The following KIF16B variants were observed in gnomAD, a reference collection of about 807,000 sequenced individuals.
KIF16B encodes kinesin family member 16B, also known as kinesin-like protein KIF16B.
A neutral mutation model predicts 156.3 loss-of-function variants in KIF16B; 98 were observed. The observed-to-expected ratio is 0.63, with a 90% CI of 0.53 to 0.74. The LOEUF (loss-of-function observed/expected upper bound fraction) is 0.74. Among genes scored for constraint, KIF16B ranks in the 30% least tolerant of loss-of-function variants. KIF16B has a pLI of 0.00. For missense variants in KIF16B, 1,421 were observed against 1,606.5 expected (o/e 0.88, Z 1.97); for synonymous variants, 564 against 583.7 (o/e 0.97, Z 0.49).
In KIF16B at chr20:16,356,451, C is replaced by T. The variant is rs146992148; in HGVS notation, c.3500G>A (p.Arg1167Gln). Residue 1167 changes from arginine (R) to glutamine (Q), a missense_variant and splice_region_variant, in exon 23 of 26, where the codon CGG becomes CAG. By Grantham distance (43) the Arg-to-Gln change is conservative (BLOSUM62 1). Coordinates refer to ENST00000354981, the MANE Select transcript of KIF16B (RefSeq NM_024704.5). ...TGCGCCCAAAGAGCGAGAAACCATC[C>T]GCTATCAAAGGCATGTCAGACAGGG... The part of the protein sequence containing the change: ...GTIQRKLKYE[R>Q]MVSRSLGANP... 35 of 1,613,824 alleles carry T rather than the reference C, an allele frequency of 2.2e-5. No homozygotes were observed. Among genetic ancestry groups the T allele is most frequent in the Admixed American group, 1.7e-4 (10 of 59,994 alleles).
At chr20:16,505,662 T>C in intron 9 of KIF16B, 60 bp downstream of exon 9, 1 of 1,469,672 alleles carries the variant, frequency 6.8e-7, no homozygotes, top group Non-Finnish European at 9.4e-7. Context: ...TAAACTTAAA[T>C]ATTTACAGTT....
intron 22 of KIF16B, among the ~76,000 whole-genome samples, chr20:16,362,054 T>C (rs1443933617): frequency 6.6e-6 from 1 of 152,224 alleles, no homozygotes; most frequent in Non-Finnish European, 1.5e-5. Flanking sequence ...TCGCAACAAC[T>C]GCTAAGTGGC....
chr20:16,316,654 A>C (rs1170983982), intron 24 of KIF16B, among the ~76,000 whole-genome samples: 1 of 152,162 alleles, frequency 6.6e-6, no homozygotes, highest in Non-Finnish European at 1.5e-5. Flanking sequence ...ATAATAATAT[A>C]GCTAAACCTC....
At position 16,506,052 on chromosome 20, in the gene KIF16B, C is replaced by CAA; in HGVS notation, c.837_838insTT (p.Val280LeufsTer2). ...GCAGAAATGACGTTCCCCAGAGTCACGAGGGACTTGTTAATATTTCCCCCT... is the reference window on the plus strand; with the variant it reads ...GCAGAAATGACGTTCCCCAGAGTCACAAGAGGGACTTGTTAATATTTCCCCCT... On this transcript the variant is annotated frameshift_variant, in exon 8 of 26. Coordinates refer to ENST00000354981, the MANE Select transcript of KIF16B (RefSeq NM_024704.5). LOFTEE classifies it high-confidence loss of function. The CAA allele has an allele frequency of 6.2e-7, 1 of 1,614,096 alleles. No individual in the cohort carries two copies. Among genetic ancestry groups the CAA allele is most frequent in the East Asian group, 2.2e-5 (1 of 44,878 alleles).
chr20:16,491,191 G>A (rs1168820968), intron 12 of KIF16B, among the ~76,000 whole-genome samples: 2 of 152,132 alleles, frequency 1.3e-5, no homozygotes, highest in Admixed American at 6.5e-5. Flanking sequence ...CACAGGCAAA[G>A]ACCACAAGAC....
chr20:16,474,741 G>C (rs752132834), intron 12 of KIF16B, among the ~76,000 whole-genome samples: 6 of 152,148 alleles, frequency 3.9e-5, no homozygotes, highest in Admixed American at 6.5e-5. Flanking sequence ...ATAGACCTCA[G>C]CTCTGGCAAC....
intron 14 of KIF16B, among the ~76,000 whole-genome samples, chr20:16,428,029 C>T (rs2066401281): frequency 6.6e-6 from 1 of 152,108 alleles, no homozygotes; most frequent in Non-Finnish European, 1.5e-5. Flanking sequence ...TTCTTACCAT[C>T]ATTTATAGCT....
intron 12 of KIF16B, among the ~76,000 whole-genome samples, chr20:16,440,531 G>GCACACA (rs1289246735): frequency 8.8e-5 from 7 of 79,440 alleles, no homozygotes; most frequent in Non-Finnish European, 9.9e-5. Flanking sequence ...ACACAAGCGC[G>GCACACA]CGCACACACA....
intron 22 of KIF16B, among the ~76,000 whole-genome samples, chr20:16,357,047 G>C (rs1452369342): frequency 1.3e-5 from 2 of 152,180 alleles, no homozygotes; most frequent in Non-Finnish European, 2.9e-5. Flanking sequence ...TGGGCAGTGG[G>C]GGACTAGTGG....
chr20:16,540,555 C>T (rs1667439502), intron 1 of KIF16B, among the ~76,000 whole-genome samples: 1 of 152,152 alleles, frequency 6.6e-6, no homozygotes, highest in African/African-American at 2.4e-5. Flanking sequence ...GCTCCTCGTG[C>T]CCTTGCACTT....
chr20:16,434,469 G>A (rs1427609498), intron 12 of KIF16B, among the ~76,000 whole-genome samples: 1 of 150,764 alleles, frequency 6.6e-6, no homozygotes, highest in Non-Finnish European at 1.5e-5. Context: ...ATAGATAACC[G>A]AAAATGATAC....
intron 25 of KIF16B, among the ~76,000 whole-genome samples, chr20:16,278,607 C>T (rs2063098717): frequency 6.6e-6 from 1 of 152,148 alleles, no homozygotes; most frequent in Non-Finnish European, 1.5e-5. Context: ...GAGACATGGA[C>T]CCCCATGGGT....
chr20:16,279,863 A>G (rs1037585760), intron 25 of KIF16B, among the ~76,000 whole-genome samples: 2 of 152,232 alleles, frequency 1.3e-5, no homozygotes, highest in Non-Finnish European at 2.9e-5. Context: ...TGGCTGTGTT[A>G]ATAAGTTGTG....
intron 25 of KIF16B, among the ~76,000 whole-genome samples, chr20:16,290,486 T>C (rs765530916): frequency 9.9e-5 from 15 of 152,200 alleles, no homozygotes; most frequent in Non-Finnish European, 1.8e-4. Flanking sequence ...ATACTGAGTC[T>C]CTGAATTCAG....
At position 16,410,114 on chromosome 20, in the gene KIF16B, CATAT is replaced by C. The variant is rs775063194; in HGVS notation, c.1613-3662_1613-3659del. Among the ~76,000 whole-genome samples, 33 of 93,382 alleles carry C rather than the reference CATAT, an allele frequency of 3.5e-4. 1 individual carries two copies. Among genetic ancestry groups the C allele is most frequent in the Non-Finnish European group, 5.0e-4 (22 of 44,256 alleles). The allele number at this position is 93,382 out of a possible 152,430, so 61.3% of individuals were successfully genotyped here. A position where few individuals can be genotyped will look rare whatever the true frequency, so the allele number is the denominator to read the frequency against. On this transcript the variant is annotated intron_variant, in intron 15 of 25. Coordinates refer to ENST00000354981, the MANE Select transcript of KIF16B (RefSeq NM_024704.5). ...AGGTACATATATATATATGTAGGTACATATATATATGTAGGTACATATATATATG... is the reference window on the plus strand; with the variant it reads ...AGGTACATATATATATATGTAGGTACATATATGTAGGTACATATATATATG...
At chr20:16,434,596 A>T (rs1032871592) in intron 12 of KIF16B, among the ~76,000 whole-genome samples, 2 of 152,210 alleles carry the variant, frequency 1.3e-5, no homozygotes, top group Non-Finnish European at 2.9e-5. Context: ...CCCCACGTAA[A>T]TTAAGATCTC....
chr20:16,470,164 G>A (rs1234564483), intron 12 of KIF16B, among the ~76,000 whole-genome samples: 2 of 152,188 alleles, frequency 1.3e-5, no homozygotes, highest in Non-Finnish European at 2.9e-5. Context: ...AAGGATCAGT[G>A]ATTGCCAGGA....
intron 12 of KIF16B, among the ~76,000 whole-genome samples, chr20:16,456,342 C>T (rs1234689593): frequency 2.0e-5 from 3 of 152,090 alleles, no homozygotes; most frequent in African/African-American, 4.8e-5. Flanking sequence ...AATGTCTTTG[C>T]AATAGATTGC....
At chr20:16,372,063 ATCAGTCACTGGCT>A (rs1233622074) in intron 20 of KIF16B, among the ~76,000 whole-genome samples, 27 of 152,212 alleles carry the variant, frequency 1.8e-4, no homozygotes, top group Admixed American at 1.6e-3. Context: ...ATGGAAGAAA[ATCAGTCACTGGCT>A]TCAGAAGGCT....
Sources: gnomAD v4.1 joint callset for allele counts (sites outside exome capture counted in the v4.1 genomes callset) on GRCh38, gnomAD v4.1.1 for gene constraint, MANE v1.5 for transcripts, NCBI Gene and HGNC (gene_info 2026-07-23, HGNC 2026-07-21) for gene names.